Variants in COL4A1 observed in about 807,000 individuals in gnomAD.
The protein encoded by COL4A1 is collagen alpha-1(IV) chain.
A neutral mutation model predicts 216.6 loss-of-function variants in COL4A1; 40 were observed. The observed-to-expected ratio is 0.18, with a 90% CI of 0.14 to 0.24. COL4A1 has a LOEUF of 0.24. COL4A1 is among the 10% of genes least tolerant of loss of function. The pLI is 1.00. For missense variants in COL4A1, 1,628 were observed against 2,196.8 expected, an observed-to-expected ratio of 0.74 and a Z score of 5.18; for synonymous variants, 839 against 810.7, an observed-to-expected ratio of 1.03 and a Z score of -0.59.
At position 110,205,385 on chromosome 13, in the gene COL4A1, A is replaced by G. The variant is rs1323255459; in HGVS notation, c.925T>C (p.Tyr309His). 1 of 1,614,080 alleles carries G rather than the reference A, an allele frequency of 6.2e-7. No homozygotes were observed. Residue 309 changes from tyrosine to histidine, a missense_variant, in exon 17 of 52, where the codon TAC becomes CAC. Tyr to His is a moderately conservative substitution (Grantham distance 83, BLOSUM62 2). Around this residue, in one of 8 missense-constraint regions of COL4A1, gnomAD observed 701 missense variants for 892.5 expected, o/e 0.79. Transcript: ENST00000375820. ...GSPGFPGEPG[Y>H]PGLIGRQGPQ... Reference sequence around the variant, plus strand: ...CCCTGGCGGCCTATGAGTCCTGGGTACCCGGGTTCACCAGGAAAACCCTGA... The same window carrying G: ...CCCTGGCGGCCTATGAGTCCTGGGTGCCCGGGTTCACCAGGAAAACCCTGA...
At chr13:110,264,864 T>A (rs1882960650) in intron 1 of COL4A1, among the ~76,000 whole-genome samples, 2 of 152,338 alleles carry the variant, frequency 1.3e-5, no homozygotes, top group South Asian at 4.1e-4. Flanking sequence ...ACAGGGCCAA[T>A]GGCCCCTGCA....
intron 51 of COL4A1, among the ~76,000 whole-genome samples, chr13:110,151,582 C>T (rs1370917148): frequency 1.3e-5 from 2 of 152,152 alleles, no homozygotes; most frequent in African/African-American, 4.8e-5. Flanking sequence ...CCATATAATT[C>T]TCTCCAAAAA....
rs73617456 is a variant in COL4A1 at position 110,290,529 on chromosome 13, C to T, written c.84+16415G>A. Among the ~76,000 whole-genome samples, 67 of 152,278 alleles carry T rather than the reference C, an allele frequency of 4.4e-4. 1 individual carries two copies. The highest frequency in any genetic ancestry group is 1.6e-3 in the African/African-American group (65 of 41,558). On this transcript the variant is annotated intron_variant, in intron 1 of 51. Coordinates refer to ENST00000375820, the MANE Select transcript of COL4A1 (RefSeq NM_001845.6). ...GGCTCCTCCGGCTTCCTCGATCCTTCCTTCCCTTTGGACTCTAGCTTCACT... is the reference window on the plus strand; with the variant it reads ...GGCTCCTCCGGCTTCCTCGATCCTTTCTTCCCTTTGGACTCTAGCTTCACT...
intron 1 of COL4A1, among the ~76,000 whole-genome samples, chr13:110,288,764 T>G (rs1334227304): frequency 1.3e-5 from 2 of 152,218 alleles, no homozygotes; most frequent in African/African-American, 4.8e-5. Context: ...CCAGGCGCGG[T>G]GGCTCACGCC....
intron 21 of COL4A1, among the ~76,000 whole-genome samples, chr13:110,198,037 T>C (rs1303077144): frequency 6.6e-6 from 1 of 151,914 alleles, no homozygotes; most frequent in African/African-American, 2.4e-5. Context: ...ACTTTACTAA[T>C]GTAATCTTTA....
At chr13:110,212,215 A>C (rs1465310773) in intron 6 of COL4A1, among the ~76,000 whole-genome samples, 2 of 152,248 alleles carry the variant, frequency 1.3e-5, no homozygotes, top group Admixed American at 1.3e-4. Context: ...AGTCTACAAA[A>C]AAGAAAGGAA....
intron 1 of COL4A1, among the ~76,000 whole-genome samples, chr13:110,297,847 G>A (rs1455575183): frequency 1.3e-5 from 2 of 151,794 alleles, no homozygotes; most frequent in Non-Finnish European, 2.9e-5. Flanking sequence ...CCAAAAGCAA[G>A]ATACTGAGCT....
chr13:110,155,133 A>G, intron 50 of COL4A1, 150 bp downstream of exon 50: 1 of 719,122 alleles, frequency 1.4e-6, no homozygotes, highest in East Asian at 2.7e-5. Flanking sequence ...GCTTTGAGGC[A>G]TGCTTTGGAA....
chr13:110,229,400 C>G (rs1880900852), intron 2 of COL4A1, among the ~76,000 whole-genome samples: 1 of 152,276 alleles, frequency 6.6e-6, no homozygotes, highest in East Asian at 1.9e-4. Context: ...AACTTTAAAT[C>G]TGAATGACTC....
intron 1 of COL4A1, among the ~76,000 whole-genome samples, chr13:110,248,304 C>CCGG (rs1411420531): frequency 2.0e-5 from 3 of 152,194 alleles, no homozygotes; most frequent in Admixed American, 2.0e-4. Context: ...CCACACGCTC[C>CCGG]CGGCGGGATT....
At chr13:110,159,216 C>T (rs1299116335) in intron 49 of COL4A1, among the ~76,000 whole-genome samples, 1 of 152,120 alleles carries the variant, frequency 6.6e-6, no homozygotes, top group African/African-American at 2.4e-5. Flanking sequence ...CTCAGTCCAA[C>T]ACATGCATTT....
intron 1 of COL4A1, among the ~76,000 whole-genome samples, chr13:110,289,989 T>C (rs1007170957): frequency 6.6e-5 from 10 of 152,126 alleles, no homozygotes; most frequent in Non-Finnish European, 1.3e-4. Context: ...GGTCTGCTTC[T>C]GAAAAGGGGC....
intron 27 of COL4A1, 40 bp from the exon 28 acceptor site, chr13:110,183,137 T>C: frequency 1.2e-6 from 2 of 1,612,168 alleles, no homozygotes; most frequent in South Asian, 1.1e-5. Context: ...GAGAAAAACG[T>C]GAGGAAACTC....
rs1881337774 is a variant in COL4A1 at position 110,236,843 on chromosome 13, T to A, written c.144+5832A>T. On this transcript the variant is annotated intron_variant, in intron 2 of 51. Coordinates refer to ENST00000375820, the MANE Select transcript of COL4A1 (RefSeq NM_001845.6). ...ATTCCTAATGCACAGGGAAAAGCAA[T>A]CCAGAATGGGGTGGGATGCATATTT... Among the ~76,000 whole-genome samples, 3 of 152,274 alleles carry A rather than the reference T, an allele frequency of 2.0e-5. No homozygotes were observed. In the South Asian group the frequency reaches 6.2e-4, roughly 32 times the overall value.
intron 1 of COL4A1, among the ~76,000 whole-genome samples, chr13:110,265,047 G>T (rs989840711): frequency 1.3e-5 from 2 of 152,226 alleles, no homozygotes; most frequent in African/African-American, 4.8e-5. Flanking sequence ...TGGGCTGTGG[G>T]CGCCGTCCCA....
In COL4A1 at chr13:110,219,816, A is replaced by ATGTATATATG. The variant is rs1880334537; in HGVS notation, c.145-5802_145-5801insCATATATACA. On this transcript the variant is annotated intron_variant, in intron 2 of 51. Transcript: ENST00000375820. The stretch of plus-strand genomic sequence containing the variant: ...TGTATATATGTATATATGTGTATAT[A>ATGTATATATG]TGTATATATATGTATGTATGTATAT... 6.8e-5 allele frequency among the ~76,000 whole-genome samples: 9 copies of ATGTATATATG among 133,278 alleles called. 1 individual carries two copies. The East Asian group carries it at 1.6e-3, about 23-fold the overall frequency. 87.4% of individuals were successfully genotyped at this position (133,278 alleles called of 152,430 possible).
intron 2 of COL4A1, among the ~76,000 whole-genome samples, chr13:110,217,730 A>G (rs747038148): frequency 3.9e-5 from 6 of 152,168 alleles, no homozygotes; most frequent in Non-Finnish European, 7.3e-5. Context: ...TGTGTCCCCA[A>G]ATGATGAAAT....
At chr13:110,201,216 TAGAA>T (rs1879177263) in intron 19 of COL4A1, among the ~76,000 whole-genome samples, 2 of 110,932 alleles carry the variant, frequency 1.8e-5, no homozygotes, top group South Asian at 2.7e-4. Flanking sequence ...GGGGAAGAAA[TAGAA>T]AGCGTGGGGA....
At position 110,183,113 on chromosome 13, in the gene COL4A1, C is replaced by T. The variant is rs72654112; in HGVS notation, c.1991-16G>A. ...CCTCGGTCTCCTGTGGTGAGAAAGA[C>T]CAACAGTCAGCGTGAGAAAAACGTG... is the stretch of plus-strand genomic sequence containing the variant. On this transcript the variant is annotated splice_polypyrimidine_tract_variant and intron_variant, in intron 27 of 51. Coordinates refer to ENST00000375820, the MANE Select transcript of COL4A1 (RefSeq NM_001845.6). The T allele has an allele frequency of 0.13, 205,215 of 1,611,874 alleles. 13,894 individuals are homozygous for T. The highest frequency in any genetic ancestry group is 0.15 in the South Asian group (13,438 of 90,664).
Sources: allele counts gnomAD v4.1 joint callset (sites outside exome capture counted in the v4.1 genomes callset), GRCh38; gene constraint gnomAD v4.1.1; regional missense constraint gnomAD v4.1.1; transcripts MANE v1.5; gene names NCBI Gene and HGNC (gene_info 2026-07-23, HGNC 2026-07-21).